ANK1: variants seen among roughly 807,000 people sequenced by gnomAD.
ANK1 encodes ankyrin-1.
In ANK1, 51 loss-of-function variants were observed where a neutral mutation model predicts 210.4. The observed-to-expected ratio is 0.24, with a 90% confidence interval of 0.19 to 0.31. The LOEUF (loss-of-function observed/expected upper bound fraction) is 0.31. ANK1 is among the 10% of genes least tolerant of loss of function. ANK1 has a pLI of 1.00. For synonymous variants in ANK1, 967 were observed against 1,025.9 expected (o/e 0.94, Z 1.10); for missense variants, 2,051 against 2,504.4 (o/e 0.82, Z 3.86).
intron 1 of ANK1, among the ~76,000 whole-genome samples, chr8:41,891,308 A>G (rs898039594): frequency 6.6e-6 from 1 of 151,782 alleles, no homozygotes; most frequent in Non-Finnish European, 1.5e-5. Flanking sequence ...GTGTTGCCAC[A>G]TTGAGAGGAG....
chr8:41,755,003 G>T lies in ANK1; in HGVS notation c.129+3033C>A, dbSNP rs572979285. ...TTGCACTTGGTGTGTCCTGTCTTTC[G>T]TTCCCTTCTGACGCTCATTTCATAA... is the stretch of plus-strand genomic sequence containing the variant. On this transcript the variant is annotated intron_variant, in intron 2 of 42. Transcript: ENST00000289734. Among the ~76,000 whole-genome samples, 8 of 152,356 alleles carry T rather than the reference G, an allele frequency of 5.3e-5. No homozygotes were observed. In the East Asian group the frequency reaches 1.4e-3, roughly 26 times the overall value.
At chr8:41,720,551 C>T (rs1828989510) in intron 9 of ANK1, among the ~76,000 whole-genome samples, 1 of 152,164 alleles carries the variant, frequency 6.6e-6, no homozygotes, top group Non-Finnish European at 1.5e-5. Context: ...GATTAATGTG[C>T]ACCTGGTATG....
intron 2 of ANK1, among the ~76,000 whole-genome samples, chr8:41,757,821 G>A (rs1003041221): frequency 3.3e-5 from 5 of 152,200 alleles, no homozygotes; most frequent in Non-Finnish European, 7.3e-5. Context: ...TGCGGGCCTC[G>A]CCCACACTGT....
intron 1 of ANK1, among the ~76,000 whole-genome samples, chr8:41,809,815 G>A (rs1294612642): frequency 1.3e-5 from 2 of 152,190 alleles, no homozygotes; most frequent in East Asian, 3.9e-4. Flanking sequence ...AAATCAAACT[G>A]CACTGCCCAT....
chr8:41,679,304 T>C (rs1685324), intron 37 of ANK1, among the ~76,000 whole-genome samples: 149,250 of 152,288 alleles, frequency 0.98, 73,196 homozygotes, highest in East Asian at 1. Context: ...TACTTGGAAG[T>C]AGTTTGATCC....
At chr8:41,886,490 T>C (rs368578989) in intron 1 of ANK1, among the ~76,000 whole-genome samples, 118 of 152,364 alleles carry the variant, frequency 7.7e-4, no homozygotes, top group African/African-American at 2.6e-3. Flanking sequence ...TCCTGACGCA[T>C]GCTAAAGCTC....
At chr8:41,752,827 C>T (rs80316886) in intron 2 of ANK1, among the ~76,000 whole-genome samples, 7,428 of 151,702 alleles carry the variant, frequency 0.049, 209 homozygotes, top group African/African-American at 0.067. Context: ...CTGGGCCCTC[C>T]GCCTGTTTTC....
intron 22 of ANK1, among the ~76,000 whole-genome samples, 200 bp from the exon 23 acceptor site, chr8:41,699,748 G>A (rs1722598765): frequency 6.6e-6 from 1 of 152,212 alleles, no homozygotes; most frequent in African/African-American, 2.4e-5. Flanking sequence ...AGGGCAGCCA[G>A]CTCCTGACAT....
Position 41,728,658 on chromosome 8 carries a change from G to T in ANK1, c.229-652C>A, listed in dbSNP as rs1053464781. 2.0e-5 allele frequency among the ~76,000 whole-genome samples: 3 copies of T among 152,196 alleles called. No homozygotes were observed. The East Asian group carries it at 5.8e-4, about 29-fold the overall frequency. ...GACACTGAGATGTGCGGTTGAAGGAGAGTGCGGCCATGTCAAAGGAACTCC... is the reference window on the plus strand; with the variant it reads ...GACACTGAGATGTGCGGTTGAAGGATAGTGCGGCCATGTCAAAGGAACTCC... On this transcript the variant is annotated intron_variant, in intron 3 of 42. Transcript: ENST00000289734.
At chr8:41,893,331 C>A (rs541286243) in intron 1 of ANK1, among the ~76,000 whole-genome samples, 1 of 152,266 alleles carries the variant, frequency 6.6e-6, no homozygotes, top group Non-Finnish European at 1.5e-5. Context: ...GCTACAACAG[C>A]AAGTGGCTGA....
chr8:41,693,700 C>T (rs1819957081), intron 29 of ANK1, among the ~76,000 whole-genome samples, 198 bp downstream of exon 29: 1 of 152,124 alleles, frequency 6.6e-6, no homozygotes, highest in Non-Finnish European at 1.5e-5. Context: ...GCTGGGATTA[C>T]AGGCGTGAGT....
chr8:41,747,872 T>G (rs1563650649), intron 2 of ANK1, among the ~76,000 whole-genome samples: 1 of 152,136 alleles, frequency 6.6e-6, no homozygotes, highest in Non-Finnish European at 1.5e-5. Flanking sequence ...ACTGGTCAAT[T>G]AGCTCTTCCT....
chr8:41,808,781 G>A (rs1362891), intron 1 of ANK1, among the ~76,000 whole-genome samples: 9,212 of 152,000 alleles, frequency 0.061, 366 homozygotes, highest in East Asian at 0.13. Context: ...TAATTTAAAC[G>A]TTACAGTTAA....
At chr8:41,780,033 G>A (rs568149088) in intron 1 of ANK1, among the ~76,000 whole-genome samples, 8 of 152,294 alleles carry the variant, frequency 5.3e-5, no homozygotes, top group Admixed American at 4.6e-4. Flanking sequence ...CCCTTGTTCA[G>A]GCCACTAACT....
chr8:41,830,649 C>T (rs954039476), intron 1 of ANK1, among the ~76,000 whole-genome samples: 1 of 152,098 alleles, frequency 6.6e-6, no homozygotes, highest in African/African-American at 2.4e-5. Flanking sequence ...CTAGGGCTTT[C>T]GGGGATAGGA....
In ANK1 at chr8:41,684,626, A is replaced by G; in HGVS notation, c.4455T>C (p.Gly1485=). 2 of 1,612,416 alleles carry G rather than the reference A, an allele frequency of 1.2e-6. No homozygotes were observed. The highest frequency in any genetic ancestry group is 1.7e-6 in the Non-Finnish European group (2 of 1,179,758). The change falls in exon 37 of 43, where the codon GGT becomes GGC. Residue 1485 remains glycine (G), a synonymous_variant. Coordinates refer to ENST00000289734, the MANE Select transcript of ANK1 (RefSeq NM_000037.4). ...TCAAGTTGCGGCTCTGTCGGCCGGA[A>G]CCCTCCAGCATGTTCACGATCTCGC... is the stretch of plus-strand genomic sequence containing the variant. ...DRGEIVNMLE[G]SGRQSRNLKP...
At chr8:41,660,585 C>T (rs531259403) in intron 42 of ANK1, 14 of 447,714 alleles carry the variant, frequency 3.1e-5, no homozygotes, top group African/African-American at 1.9e-4. Context: ...GGTCGCACAG[C>T]GTCTTCATGT....
chr8:41,691,062 A>AT (rs201815346), intron 31 of ANK1, among the ~76,000 whole-genome samples: 3 of 152,142 alleles, frequency 2.0e-5, no homozygotes, highest in Admixed American at 2.0e-4. Flanking sequence ...ATCTTTACAA[A>AT]TTTTTTTAAA....
At chr8:41,802,995 GAGAAAGAAAGAAAGAAAGAA>G (rs58986564) in intron 1 of ANK1, among the ~76,000 whole-genome samples, 2 of 57,492 alleles carry the variant, frequency 3.5e-5, no homozygotes, top group African/African-American at 1.3e-4. Context: ...GAGAGAAAGA[GAGAAAGAAAGAAAGAAAGAA>G]AGAAAGAAAG....
Sources: gnomAD v4.1 joint callset for allele counts (sites outside exome capture counted in the v4.1 genomes callset) on GRCh38, gnomAD v4.1.1 for gene constraint, MANE v1.5 for transcripts, NCBI Gene and HGNC (gene_info 2026-07-23, HGNC 2026-07-21) for gene names.